The following EEF2K variants were observed in gnomAD, a reference collection of about 807,000 sequenced individuals.
EEF2K encodes the protein eukaryotic elongation factor 2 kinase, also known as alternative protein EEF2K.
EEF2K carries 70 observed loss-of-function variants against 93.8 expected under a neutral mutation model. The ratio of observed to expected loss-of-function variants is 0.75; its 90% CI spans 0.62 to 0.91. The LOEUF (loss-of-function observed/expected upper bound fraction) is 0.91, where lower values mean the gene tolerates loss of function less well. EEF2K is among the 40% of genes least tolerant of loss of function. The pLI is 0.00. For missense variants in EEF2K, 935 were observed against 972.9 expected (o/e 0.96, Z 0.52); for synonymous variants, 376 against 380.8 (o/e 0.99, Z 0.15).
chr16:22,218,851 G>A (rs1014528026), intron 1 of EEF2K, among the ~76,000 whole-genome samples: 10 of 151,392 alleles, frequency 6.6e-5, no homozygotes, highest in South Asian at 2.1e-4. Flanking sequence ...GAGGCCGGGC[G>A]CAGTGGCTCA....
intron 15 of EEF2K, among the ~76,000 whole-genome samples, chr16:22,272,882 G>A (rs1308132750): frequency 3.3e-5 from 5 of 152,062 alleles, no homozygotes; most frequent in Admixed American, 2.6e-4. Context: ...GGCTGGTCTC[G>A]AACTGCTGAC....
chr16:22,262,567 T>TC (rs2047476368), intron 11 of EEF2K, among the ~76,000 whole-genome samples: 1 of 152,150 alleles, frequency 6.6e-6, no homozygotes, highest in Admixed American at 6.5e-5. Context: ...TAAATATTGT[T>TC]CCCAATGCTA....
At chr16:22,217,442 G>A (rs987161662) in intron 1 of EEF2K, among the ~76,000 whole-genome samples, 2 of 151,792 alleles carry the variant, frequency 1.3e-5, no homozygotes, top group African/African-American at 2.4e-5. Context: ...ATATACAATG[G>A]CCCAAACCCT....
In EEF2K at chr16:22,227,272, G is replaced by GGAAT. The variant is rs2047073949; in HGVS notation, c.246+1298_246+1301dup. ...TGTATTCCACTCTGCTGCCCAGGCT[G>GGAAT]GAATACAGTGGTGGGATCTCGGCTC... is the stretch of plus-strand genomic sequence containing the variant. On this transcript the variant is annotated intron_variant, in intron 2 of 17. Transcript: ENST00000263026. 3.9e-5 allele frequency among the ~76,000 whole-genome samples: 6 copies of GGAAT among 152,298 alleles called. 1 individual carries two copies. In the South Asian group the frequency reaches 8.3e-4, roughly 21 times the overall value.
At position 22,225,733 on chromosome 16, in the gene EEF2K, GC is replaced by G; in HGVS notation, c.5del (p.Ala2GlufsTer62). Reference sequence around the variant, plus strand: ...GTAAAACGGGCACCCCAGGAACATGGCAGACGAAGATCTCATCTTCCGCCTG... The same window carrying G: ...GTAAAACGGGCACCCCAGGAACATGGAGACGAAGATCTCATCTTCCGCCTG... M[A>X]DEDLIFRLEG... On this transcript the variant is annotated frameshift_variant, in exon 2 of 18. Coordinates refer to ENST00000263026, the MANE Select transcript of EEF2K (RefSeq NM_013302.5). LOFTEE classifies it high-confidence loss of function. The G allele has an allele frequency of 6.2e-7, 1 of 1,614,040 alleles. No individual in the cohort carries two copies. Among genetic ancestry groups the G allele is most frequent in the East Asian group, 2.2e-5 (1 of 44,878 alleles).
chr16:22,281,248 T>G (rs1465240918), intron 17 of EEF2K, among the ~76,000 whole-genome samples: 1 of 152,108 alleles, frequency 6.6e-6, no homozygotes, highest in East Asian at 1.9e-4. Context: ...TCTTTCTTTC[T>G]TTTTTCTTTG....
At chr16:22,265,618 G>C (rs975541931) in intron 13 of EEF2K, among the ~76,000 whole-genome samples, 10 of 152,170 alleles carry the variant, frequency 6.6e-5, no homozygotes, top group African/African-American at 2.4e-4. Context: ...TATGGAACAG[G>C]GTTGCTCAAG....
Position 22,255,450 on chromosome 16 carries a change from A to G in EEF2K, c.619-1298A>G, listed in dbSNP as rs149033355. Among the ~76,000 whole-genome samples, 10 of 152,244 alleles carry G rather than the reference A, an allele frequency of 6.6e-5. No homozygotes were observed. The East Asian group carries it at 1.9e-3, about 30-fold the overall frequency. The stretch of plus-strand genomic sequence containing the variant: ...ACCACATAATCAATTCTGGCTCCCA[A>G]GCAGAGTCCACCTTACAGGGCAGGC... On this transcript the variant is annotated intron_variant, in intron 6 of 17. Coordinates refer to ENST00000263026, the MANE Select transcript of EEF2K (RefSeq NM_013302.5).
intron 17 of EEF2K, among the ~76,000 whole-genome samples, chr16:22,281,178 C>G (rs2047689709): frequency 6.6e-6 from 1 of 152,166 alleles, no homozygotes; most frequent in South Asian, 2.1e-4. Flanking sequence ...CTGCCCGCCT[C>G]AGCCTCCCAA....
intron 11 of EEF2K, among the ~76,000 whole-genome samples, chr16:22,261,973 A>G (rs1391503910): frequency 1.3e-5 from 2 of 150,280 alleles, no homozygotes; most frequent in Non-Finnish European, 3.0e-5. Flanking sequence ...CCACTGCACT[A>G]CAGCCTGGGT....
intron 1 of EEF2K, among the ~76,000 whole-genome samples, chr16:22,213,744 C>T (rs1236818336): frequency 6.6e-6 from 1 of 152,128 alleles, no homozygotes; most frequent in Non-Finnish European, 1.5e-5. Context: ...TCCTTGGGCT[C>T]CTGGCCCCTC....
chr16:22,272,619 G>GGTGATGGCCATA (rs951520307), intron 15 of EEF2K, among the ~76,000 whole-genome samples: 45 of 152,030 alleles, frequency 3.0e-4, no homozygotes, highest in Non-Finnish European at 4.3e-4. Flanking sequence ...GAAATTGACT[G>GGTGATGGCCATA]GTGATGGCCA....
chr16:22,226,993 G>A (rs1000706186), intron 2 of EEF2K, among the ~76,000 whole-genome samples: 3 of 152,132 alleles, frequency 2.0e-5, no homozygotes, highest in Admixed American at 2.0e-4. Context: ...TGAGGTAGGA[G>A]TTCTAGAGCA....
rs2047526412 is a variant in EEF2K at position 22,266,755 on chromosome 16, A to G, written c.1643A>G (p.Gln548Arg). 1 of 1,614,188 alleles carries G rather than the reference A, an allele frequency of 6.2e-7. No homozygotes were observed. Among genetic ancestry groups the G allele is most frequent in the Non-Finnish European group, 8.5e-7 (1 of 1,180,026 alleles). ...RFCEKGEEWDQESAVFHLEHA... is the reference protein window; with the variant it reads ...RFCEKGEEWDRESAVFHLEHA... ...TGCGAGAAGGGCGAGGAGTGGGACC[A>G]GGAGTCGGCTGTCTTCCACCTGGAG... is the stretch of plus-strand genomic sequence containing the variant. The change falls in exon 15 of 18, where the codon CAG becomes CGG. Residue 548 changes from glutamine to arginine, a missense_variant. Physicochemically the swap from Gln to Arg is conservative, Grantham distance 43. Transcript: ENST00000263026.
rs900173050 is a variant in EEF2K at position 22,283,979 on chromosome 16, G to A, written c.2161G>A (p.Ala721Thr). ...CTACCAAAAGGCTGAAGAGGCCTGG[G>A]CCCAGATGGAGGAGTAACCAGGAAA... ...QYYQKAEEAW[A>T]QMEE Residue 721 changes from alanine to threonine, a missense_variant, in exon 18 of 18, where the codon GCC (alanine) becomes ACC (threonine). Ala to Thr is a moderately conservative substitution (Grantham distance 58). Transcript: ENST00000263026. 1 of 1,581,750 alleles carries A rather than the reference G, an allele frequency of 6.3e-7. No homozygotes were observed. Among genetic ancestry groups the A allele is most frequent in the African/African-American group, 1.3e-5 (1 of 74,330 alleles).
chr16:22,280,675 T>TC, intron 17 of EEF2K, among the ~76,000 whole-genome samples: 1 of 149,830 alleles, frequency 6.7e-6, no homozygotes, highest in African/African-American at 2.4e-5. Context: ...TTTTTTTTTT[T>TC]TTTTTTTGAG....
At chr16:22,264,738 A>C (rs2047500324) in intron 12 of EEF2K, 80 bp from the exon 13 acceptor site, 5 of 1,535,450 alleles carry the variant, frequency 3.3e-6, no homozygotes, top group South Asian at 1.1e-5. Context: ...TCCAGGGAGG[A>C]GGGCTGGACC....
Position 22,284,184 on chromosome 16 carries a change from T to A in EEF2K, c.*188T>A, listed in dbSNP as rs2047729453. On this transcript the variant is annotated 3_prime_UTR_variant, in exon 18 of 18. Coordinates refer to ENST00000263026, the MANE Select transcript of EEF2K (RefSeq NM_013302.5). ...CTCCTTGGCAGCTACCAGCAGAGAC[T>A]CTATAGCTGTCTCTTAGGGCAGTAT... The A allele has an allele frequency of 3.3e-6, 2 of 597,808 alleles. No homozygotes were observed. The highest frequency in any genetic ancestry group is 3.0e-6 in the Non-Finnish European group (1 of 337,624). The allele number at this position is 597,808 out of a possible 1,614,324, so 37.0% of individuals were successfully genotyped here.
intron 15 of EEF2K, among the ~76,000 whole-genome samples, chr16:22,271,582 C>A (rs879748241): frequency 2.0e-5 from 3 of 151,694 alleles, no homozygotes; most frequent in Non-Finnish European, 4.4e-5. Context: ...TGCCTGTAGT[C>A]CCAGCTACTT....
Sources: allele counts gnomAD v4.1 joint callset (sites outside exome capture counted in the v4.1 genomes callset), GRCh38; gene constraint gnomAD v4.1.1; transcripts MANE v1.5; gene names NCBI Gene and HGNC (gene_info 2026-07-23, HGNC 2026-07-21).